NBEA: variants seen among roughly 807,000 people sequenced by gnomAD.
The protein encoded by NBEA is lysosomal-trafficking regulator 2.
NBEA carries 44 observed loss-of-function variants against 343.4 expected under a neutral mutation model. The ratio of observed to expected loss-of-function variants is 0.13; its 90% confidence interval spans 0.10 to 0.16. The LOEUF (loss-of-function observed/expected upper bound fraction) is 0.16. Ranked by LOEUF, NBEA falls within the 10% of genes least tolerant of loss-of-function variation. The pLI, the probability that NBEA is intolerant of heterozygous loss-of-function variation, is 1.00. For missense variants in NBEA, 2,555 were observed against 3,631.3 expected (o/e 0.70, Z 7.62); for synonymous variants, 1,175 against 1,238.7 (o/e 0.95, Z 1.08).
Position 35,142,257 on chromosome 13 carries a change from CCTT to C in NBEA, c.2337-9_2337-7del, listed in dbSNP as rs2068133987. 6.3e-7 allele frequency: 1 copy of C among 1,574,922 alleles called. No homozygotes were observed. The highest frequency in any genetic ancestry group is 8.7e-7 in the Non-Finnish European group (1 of 1,147,962). On this transcript the variant is annotated splice_polypyrimidine_tract_variant and intron_variant, in intron 17 of 58. Coordinates refer to ENST00000379939, the MANE Select transcript of NBEA (RefSeq NM_001385012.1). ...TGTTTCATGGTGTTTTATTTTTCCT[CCTT>C]CTCTCCAGGAGAAAAGTTGAAATTA...
chr13:35,327,195 A>G (rs2038621686), intron 36 of NBEA, among the ~76,000 whole-genome samples: 3 of 152,108 alleles, frequency 2.0e-5, no homozygotes, highest in Admixed American at 1.3e-4. Flanking sequence ...AAAGTAGTTC[A>G]GCCACTGTGG....
intron 36 of NBEA, among the ~76,000 whole-genome samples, chr13:35,310,926 A>G (rs958116456): frequency 6.6e-6 from 1 of 152,130 alleles, no homozygotes; most frequent in Non-Finnish European, 1.5e-5. Context: ...CTTAGTATTC[A>G]TTTTTTATCA....
intron 30 of NBEA, among the ~76,000 whole-genome samples, chr13:35,195,568 TG>T (rs758317244): frequency 2.6e-5 from 4 of 152,100 alleles, no homozygotes; most frequent in Non-Finnish European, 5.9e-5. Flanking sequence ...AGCTTATTTT[TG>T]TGTTTTTAGT....
chr13:35,483,134 A>G lies in NBEA; in HGVS notation c.6585+10598A>G, dbSNP rs80290316. ...TAATTTTTATTTTATGTAAAGTTTA[A>G]TTTTCATGTATGTGACAAATTAATA... On this transcript the variant is annotated intron_variant, in intron 41 of 58. Coordinates refer to ENST00000379939, the MANE Select transcript of NBEA (RefSeq NM_001385012.1). Among the ~76,000 whole-genome samples, 92 of 152,042 alleles carry G rather than the reference A, an allele frequency of 6.1e-4. 2 individuals carry two copies. In the East Asian group the frequency reaches 0.016, roughly 26 times the overall value.
intron 44 of NBEA, among the ~76,000 whole-genome samples, chr13:35,564,870 C>A (rs2080058052): frequency 6.6e-6 from 1 of 152,164 alleles, no homozygotes; most frequent in Non-Finnish European, 1.5e-5. Flanking sequence ...ATTTGTTCAT[C>A]TTCTGAAATT....
intron 36 of NBEA, among the ~76,000 whole-genome samples, chr13:35,326,555 C>A (rs542121621): frequency 6.6e-6 from 1 of 152,054 alleles, no homozygotes; most frequent in East Asian, 1.9e-4. Flanking sequence ...TTAGGGTTTT[C>A]TAGTATAGAT....
At chr13:35,348,461 A>G (rs1307134362) in intron 36 of NBEA, among the ~76,000 whole-genome samples, 1 of 152,092 alleles carries the variant, frequency 6.6e-6, no homozygotes, top group Non-Finnish European at 1.5e-5. Context: ...AAATGTTACT[A>G]CACATTTTAA....
At chr13:35,151,535 C>G (rs1282485715) in intron 18 of NBEA, among the ~76,000 whole-genome samples, 4 of 136,404 alleles carry the variant, frequency 2.9e-5, no homozygotes, top group African/African-American at 5.5e-5. Flanking sequence ...AAGAGCAAAA[C>G]TCTGTCTCAA....
chr13:35,530,527 T>G (rs756618994), intron 41 of NBEA, among the ~76,000 whole-genome samples: 1 of 152,244 alleles, frequency 6.6e-6, no homozygotes, highest in Non-Finnish European at 1.5e-5. Context: ...GGCCTTGTTT[T>G]GACAAATTTT....
At chr13:35,086,597 G>A (rs1260446335) in intron 10 of NBEA, among the ~76,000 whole-genome samples, 2 of 151,936 alleles carry the variant, frequency 1.3e-5, no homozygotes, top group Non-Finnish European at 2.9e-5. Flanking sequence ...CTTTGCTTTT[G>A]TGAATAGCGC....
At chr13:34,983,789 T>C (rs1278675131) in intron 1 of NBEA, among the ~76,000 whole-genome samples, 1 of 152,224 alleles carries the variant, frequency 6.6e-6, no homozygotes, top group Non-Finnish European at 1.5e-5. Context: ...TGAGCACTTT[T>C]TCATGTGTCT....
intron 39 of NBEA, among the ~76,000 whole-genome samples, chr13:35,439,612 A>G (rs1424888071): frequency 6.6e-6 from 1 of 152,224 alleles, no homozygotes; most frequent in African/African-American, 2.4e-5. Flanking sequence ...CCATTTGAGG[A>G]TAAGATATAT....
At chr13:35,634,293 A>G (rs2083601331) in intron 49 of NBEA, among the ~76,000 whole-genome samples, 1 of 152,188 alleles carries the variant, frequency 6.6e-6, no homozygotes, top group East Asian at 1.9e-4. Context: ...TAGTGAGCCA[A>G]GATCATACCA....
intron 1 of NBEA, among the ~76,000 whole-genome samples, chr13:35,016,312 G>A (rs951387039): frequency 8.6e-5 from 13 of 151,834 alleles, no homozygotes; most frequent in Admixed American, 2.0e-4. Flanking sequence ...AACTTGTAAA[G>A]CGACTTAAGT....
chr13:35,151,561 AT>A (rs1221824672), intron 18 of NBEA, among the ~76,000 whole-genome samples: 4 of 151,604 alleles, frequency 2.6e-5, no homozygotes, highest in African/African-American at 9.7e-5. Context: ...AAAAAAAAAA[AT>A]TAAGGCACAA....
chr13:34,964,135 G>C (rs767804389), intron 1 of NBEA, among the ~76,000 whole-genome samples: 2 of 152,128 alleles, frequency 1.3e-5, no homozygotes, highest in Non-Finnish European at 2.9e-5. Flanking sequence ...ACTTGCAACT[G>C]TCTCGAATCC....
chr13:35,401,506 A>G (rs1057125983), intron 38 of NBEA, among the ~76,000 whole-genome samples: 2 of 152,068 alleles, frequency 1.3e-5, no homozygotes, highest in African/African-American at 4.8e-5. Context: ...GATTTCCACT[A>G]TTGTGGAAAA....
chr13:35,615,037 C>T (rs2082672261), intron 48 of NBEA, among the ~76,000 whole-genome samples: 1 of 150,740 alleles, frequency 6.6e-6, no homozygotes, highest in Non-Finnish European at 1.5e-5. Flanking sequence ...TAAAAAATCA[C>T]TTTCAGAGGC....
chr13:35,307,536 G>A (rs1463619210), intron 35 of NBEA, among the ~76,000 whole-genome samples: 1 of 151,874 alleles, frequency 6.6e-6, no homozygotes, highest in Non-Finnish European at 1.5e-5. Flanking sequence ...GGCATACTTT[G>A]GGATGCACAT....
Sources: gnomAD v4.1 joint callset for allele counts (sites outside exome capture counted in the v4.1 genomes callset) on GRCh38, gnomAD v4.1.1 for gene constraint, MANE v1.5 for transcripts, NCBI Gene and HGNC (gene_info 2026-07-23, HGNC 2026-07-21) for gene names.